The following ZCCHC2 variants were observed in gnomAD, a reference collection of about 807,000 sequenced individuals.
The protein encoded by ZCCHC2 is zinc finger CCHC domain-containing protein 2.
In ZCCHC2, 39 loss-of-function variants were observed where a neutral mutation model predicts 103.6. The ratio of observed to expected loss-of-function variants is 0.38; its 90% CI spans 0.29 to 0.49. The LOEUF is 0.49. Among genes scored for constraint, ZCCHC2 ranks in the 20% least tolerant of loss-of-function variants. The pLI, the probability that ZCCHC2 is intolerant of heterozygous loss-of-function variation, is 0.96. For synonymous variants in ZCCHC2, 687 were observed against 608.9 expected (o/e 1.13, Z -1.89); for missense variants, 1,483 against 1,491.0 (o/e 0.99, Z 0.09).
At chr18:62,584,726 G>A (rs1038785900) in exon 15 of ZCCHC2, 1 of 152,256 alleles carries the variant, frequency 6.6e-6, no homozygotes, top group African/African-American at 2.4e-5. Flanking sequence ...CACTTTAAAG[G>A]TTTCCTCTGT....
At chr18:62,534,791 C>G (rs1914849258) in intron 1 of ZCCHC2, among the ~76,000 whole-genome samples, 1 of 152,184 alleles carries the variant, frequency 6.6e-6, no homozygotes, top group Non-Finnish European at 1.5e-5. Context: ...GAAAAGAGGT[C>G]ATCCCTCATA....
chr18:62,542,347 T>A, intron 2 of ZCCHC2, 151 bp from the exon 3 acceptor site: 1 of 605,394 alleles, frequency 1.7e-6, no homozygotes, highest in Non-Finnish European at 2.7e-6. Context: ...TTGTCTTCTT[T>A]TTTTTTATTT....
intron 4 of ZCCHC2, among the ~76,000 whole-genome samples, chr18:62,546,714 G>A (rs1915429876): frequency 6.6e-6 from 1 of 152,170 alleles, no homozygotes; most frequent in Non-Finnish European, 1.5e-5. Flanking sequence ...CCTTCTACTG[G>A]CTTTCCCTCT....
downstream of ZCCHC2, among the ~76,000 whole-genome samples, chr18:62,579,727 CT>C (rs1011483805): frequency 4.6e-5 from 7 of 150,754 alleles, no homozygotes; most frequent in Non-Finnish European, 7.4e-5. Flanking sequence ...TTAGTCTTTT[CT>C]TTTTTTTTTG....
chr18:62,548,431 C>G (rs1232133288), intron 4 of ZCCHC2, among the ~76,000 whole-genome samples: 1 of 152,098 alleles, frequency 6.6e-6, no homozygotes, highest in East Asian at 1.9e-4. Context: ...TACGCTGTTG[C>G]CTTCAGTGTT....
chr18:62,550,546 T>C (rs1187194231), intron 5 of ZCCHC2, 86 bp downstream of exon 5: 8 of 908,306 alleles, frequency 8.8e-6, no homozygotes, highest in African/African-American at 1.7e-5. Context: ...GGGGGAATCA[T>C]AGAGATCCTT....
intron 4 of ZCCHC2, among the ~76,000 whole-genome samples, chr18:62,545,225 GAAA>G (rs998524926): frequency 7.0e-6 from 1 of 143,810 alleles, no homozygotes; most frequent in African/African-American, 2.5e-5. Flanking sequence ...ATCTCTATTT[GAAA>G]AAAAAAAAGG....
chr18:62,549,839 T>C (rs572129215), intron 4 of ZCCHC2, among the ~76,000 whole-genome samples: 14 of 152,376 alleles, frequency 9.2e-5, no homozygotes, highest in African/African-American at 3.1e-4. Flanking sequence ...GTCTCTCATA[T>C]TCAGTTCTTT....
intron 1 of ZCCHC2, among the ~76,000 whole-genome samples, chr18:62,531,791 T>TAAAAAAA (rs11315078): frequency 8.8e-6 from 1 of 113,482 alleles, no homozygotes; most frequent in African/African-American, 3.4e-5. Flanking sequence ...CTACAAAAAG[T>TAAAAAAA]AAAAAAAAAA....
downstream of ZCCHC2, among the ~76,000 whole-genome samples, chr18:62,580,626 C>A (rs12604434): frequency 6.4e-3 from 33 of 5,122 alleles, no homozygotes; most frequent in South Asian, 7.2e-3. Flanking sequence ...GCCAGGTGGA[C>A]CCCTCCCGAG....
At position 62,576,705 on chromosome 18, in the gene ZCCHC2, T is replaced by C; in HGVS notation, c.*126T>C. ...CCTAGATTTCTATGCAGTTGGGATT[T>C]TTCATTTCTCTTGTACCAATGTCCA... is the stretch of plus-strand genomic sequence containing the variant. On this transcript the variant is annotated 3_prime_UTR_variant, in exon 14 of 14. Transcript: ENST00000269499. 1.1e-6 allele frequency: 1 copy of C among 916,250 alleles called. No individual in the cohort carries two copies. The highest frequency in any genetic ancestry group is 1.7e-5 in the South Asian group (1 of 59,544). 56.8% of individuals were successfully genotyped at this position (916,250 alleles called of 1,614,324 possible). A position where few individuals can be genotyped will look rare whatever the true frequency, so the allele number is the denominator to read the frequency against.
At chr18:62,554,302 A>G (rs1177894616) in intron 5 of ZCCHC2, among the ~76,000 whole-genome samples, 1 of 152,232 alleles carries the variant, frequency 6.6e-6, no homozygotes, top group Non-Finnish European at 1.5e-5. Flanking sequence ...CTTATTAGTG[A>G]TACAGATCTT....
chr18:62,545,259 G>A (rs1474628548), intron 4 of ZCCHC2, among the ~76,000 whole-genome samples: 1 of 151,968 alleles, frequency 6.6e-6, no homozygotes, highest in Non-Finnish European at 1.5e-5. Flanking sequence ...CTAGTTTCCT[G>A]CAGAGATGTG....
At chr18:62,541,173 C>T (rs761311926) in intron 2 of ZCCHC2, among the ~76,000 whole-genome samples, 2 of 152,176 alleles carry the variant, frequency 1.3e-5, no homozygotes, top group Non-Finnish European at 2.9e-5. Flanking sequence ...TATCCTATTG[C>T]ACAGTTCTAA....
chr18:62,564,381 G>A (rs1372202084), intron 9 of ZCCHC2, among the ~76,000 whole-genome samples, 190 bp from the exon 10 acceptor site: 2 of 152,010 alleles, frequency 1.3e-5, no homozygotes, highest in Non-Finnish European at 2.9e-5. Context: ...TTAATCATGA[G>A]GAAAATATGT....
In ZCCHC2 at chr18:62,576,531, C is replaced by G; in HGVS notation, c.3489C>G (p.Tyr1163Ter). 6.2e-7 allele frequency: 1 copy of G among 1,613,614 alleles called. No homozygotes were observed. Among genetic ancestry groups the G allele is most frequent in the Non-Finnish European group, 8.5e-7 (1 of 1,179,700 alleles). ...TTTTAGGCACTTACAGACTGAGATA[C>G]GCACCTCCCCTCCCCCCTTCTAATG... Reference protein sequence around the residue: ...ANQQGTYRLRYAPPLPPSNDT... With the variant: ...ANQQGTYRLR The change falls in exon 14 of 14, where the codon TAC becomes TAG. Residue 1163 changes from tyrosine (Y) to a stop codon, truncating the protein, a stop_gained. Coordinates refer to ENST00000269499, the MANE Select transcript of ZCCHC2 (RefSeq NM_017742.6). LOFTEE classifies it high-confidence loss of function.
At chr18:62,556,010 A>G (rs780649299) in intron 5 of ZCCHC2, among the ~76,000 whole-genome samples, 193 bp from the exon 6 acceptor site, 1 of 152,214 alleles carries the variant, frequency 6.6e-6, no homozygotes, top group Non-Finnish European at 1.5e-5. Context: ...GATTCTTGCA[A>G]ATGAATTTTG....
chr18:62,532,337 C>G (rs1914719536), intron 1 of ZCCHC2, among the ~76,000 whole-genome samples: 2 of 152,224 alleles, frequency 1.3e-5, no homozygotes, highest in African/African-American at 4.8e-5. Flanking sequence ...TACACACTTT[C>G]CTCATCCTTG....
intron 12 of ZCCHC2, among the ~76,000 whole-genome samples, chr18:62,573,496 A>C (rs572471553): frequency 1.3e-5 from 2 of 152,312 alleles, no homozygotes; most frequent in South Asian, 4.1e-4. Context: ...ATGATTAATA[A>C]TAGCTTTAAA....
Sources: allele counts gnomAD v4.1 joint callset (sites outside exome capture counted in the v4.1 genomes callset), GRCh38; gene constraint gnomAD v4.1.1; transcripts MANE v1.5; gene names NCBI Gene and HGNC (gene_info 2026-07-23, HGNC 2026-07-21).